The following PLXNB2 variants were observed in gnomAD, a reference collection of about 807,000 sequenced individuals.
PLXNB2 encodes the protein plexin B2, also known as plexin-B2.
A neutral mutation model predicts 202.6 loss-of-function variants in PLXNB2; 85 were observed. The ratio of observed to expected loss-of-function variants is 0.42; its 90% confidence interval spans 0.35 to 0.50. PLXNB2 has a LOEUF of 0.50. PLXNB2 is among the 20% of genes least tolerant of loss of function. The probability of loss-of-function intolerance (pLI) is 0.02; values close to 1 mark genes in which losing one functional copy is unlikely to be tolerated. For missense variants in PLXNB2, 2,063 were observed against 2,586.2 expected (o/e 0.80, Z 4.39); for synonymous variants, 1,239 against 1,137.6 (o/e 1.09, Z -1.79).
intron 33 of PLXNB2, among the ~76,000 whole-genome samples, 195 bp downstream of exon 33, chr22:50,277,396 G>C (rs1222744150): frequency 1.3e-5 from 2 of 152,118 alleles, no homozygotes; most frequent in Non-Finnish European, 2.9e-5. Context: ...GAGGAGAGAG[G>C]GCAAGGGCTC....
chr22:50,285,010 C>T, intron 11 of PLXNB2: 1 of 443,986 alleles, frequency 2.3e-6, no homozygotes, highest in Non-Finnish European at 4.5e-6. Flanking sequence ...CCTGCCTCCT[C>T]CACTGCCTCT....
chr22:50,287,714 C>G lies in PLXNB2; in HGVS notation c.1561G>C (p.Val521Leu). The G allele has an allele frequency of 6.4e-7, 1 of 1,565,410 alleles. No individual in the cohort carries two copies. Among genetic ancestry groups the G allele is most frequent in the South Asian group, 1.2e-5 (1 of 86,076 alleles). ...ATGTTCTGTGGCTGGGCGCTGGTGA[C>G]GGCCACGCAGGACTTGCTTCGGCTC... is the stretch of plus-strand genomic sequence containing the variant. Reference protein sequence around the residue: ...LWSRSKSCVAVTSAQPQNMSR... With the variant: ...LWSRSKSCVALTSAQPQNMSR... The change falls in exon 7 of 37, where the codon GTC becomes CTC. Residue 521 changes from valine to leucine, a missense_variant. Coordinates refer to ENST00000359337, the MANE Select transcript of PLXNB2 (RefSeq NM_012401.4).
chr22:50,303,837 T>C (rs932502704), intron 1 of PLXNB2, among the ~76,000 whole-genome samples: 11 of 152,234 alleles, frequency 7.2e-5, no homozygotes, highest in East Asian at 3.9e-4. Flanking sequence ...AGCACCTCCC[T>C]CTCCTGCCCC....
chr22:50,276,401 C>CACA (rs2065586635), intron 35 of PLXNB2, among the ~76,000 whole-genome samples: 1 of 8,900 alleles, frequency 1.1e-4, no homozygotes. Context: ...TGGGTGCAGC[C>CACA]GCAGGGAGGG....
At chr22:50,307,521 T>C in intron 1 of PLXNB2, 32 bp downstream of exon 1, 1 of 961,022 alleles carries the variant, frequency 1.0e-6, no homozygotes, top group Non-Finnish European at 1.2e-6. Context: ...CAGCGAGACG[T>C]CCCCCGCAGC....
chr22:50,283,562 G>C (rs1168260045), intron 15 of PLXNB2, 40 bp downstream of exon 15: 4 of 1,598,296 alleles, frequency 2.5e-6, no homozygotes, highest in Non-Finnish European at 3.4e-6. Flanking sequence ...CGTGGGTACT[G>C]ACCCAGCTGA....
chr22:50,277,873 G>A lies in PLXNB2; in HGVS notation c.5028C>T (p.Ile1676=), dbSNP rs144178635. The A allele has an allele frequency of 1.2e-4, 186 of 1,613,120 alleles. No homozygotes were observed. In the East Asian group the frequency reaches 4.1e-3, roughly 35 times the overall value. Reference sequence around the variant, plus strand: ...CTCACCTGTTCGTCTTCCAGATGTGGATGGTGTCTTCATCCTGGATGTTGT... The same window carrying A: ...CTCACCTGTTCGTCTTCCAGATGTGAATGGTGTCTTCATCCTGGATGTTGT... ...EKHNIQDEDT[I]HIWKTNSLPL... is the part of the protein sequence containing the mutation. Residue 1676 remains isoleucine (I), a synonymous_variant, in exon 32 of 37, where the codon ATC becomes ATT. Transcript: ENST00000359337.
rs2065459265 is a variant in PLXNB2, at chr22:50,275,184, C to T, written c.*520G>A. 12 of 321,034 alleles carry T rather than the reference C, an allele frequency of 3.7e-5. 2 individuals are homozygous for T. The highest frequency in any genetic ancestry group is 2.7e-4 in the South Asian group (11 of 41,310). 19.9% of individuals were successfully genotyped at this position (321,034 alleles called of 1,614,324 possible). Reference sequence around the variant, plus strand: ...GACCTTTGACGTGGGGCCCAGCAGCCGTGAGTCCACCCAGAGTGCCGGCAC... The same window carrying T: ...GACCTTTGACGTGGGGCCCAGCAGCTGTGAGTCCACCCAGAGTGCCGGCAC... On this transcript the variant is annotated 3_prime_UTR_variant, in exon 37 of 37. Transcript: ENST00000359337.
intron 35 of PLXNB2, 134 bp downstream of exon 35, chr22:50,276,481 TCACATGGCCGAGCC>T: frequency 1.5e-6 from 1 of 678,750 alleles, no homozygotes; most frequent in Admixed American, 2.3e-5. Flanking sequence ...GTGGCTCACT[TCACATGGCCGAGCC>T]CACCTCGAGG....
At chr22:50,277,090 T>TGAGGTCAGGGGTTC (rs1186821129) in intron 33 of PLXNB2, among the ~76,000 whole-genome samples, 184 bp from the exon 34 acceptor site, 1 of 152,134 alleles carries the variant, frequency 6.6e-6, no homozygotes, top group Non-Finnish European at 1.5e-5. Flanking sequence ...GCAGATCACC[T>TGAGGTCAGGGGTTC]GAGGTCAGGG....
In PLXNB2 at chr22:50,276,871, C is replaced by T. The variant is rs1474993045; in HGVS notation, c.5232G>A (p.Glu1744=). 1.3e-5 allele frequency: 21 copies of T among 1,606,242 alleles called. No homozygotes were observed. The highest frequency in any genetic ancestry group is 1.7e-5 in the Non-Finnish European group (20 of 1,176,142). The change falls in exon 34 of 37, where the codon GAG becomes GAA. Residue 1744 remains glutamate, a synonymous_variant. Coordinates refer to ENST00000359337, the MANE Select transcript of PLXNB2 (RefSeq NM_012401.4). ...SPSNKLLYAK[E]ISTYKKMVED... The stretch of plus-strand genomic sequence containing the variant: ...CCACCATCTTCTTGTAGGTGGAGAT[C>T]TCCTTGGCGTACAGCAGCTTGTTGC...
chr22:50,288,168 C>T lies in PLXNB2; in HGVS notation c.1381-131G>A, dbSNP rs2066607362. The stretch of plus-strand genomic sequence containing the variant: ...CCTCGGGAGCCTCAGACACCTCAGG[C>T]TTGATATTAAACAGTTCTGGCTCTG... On this transcript the variant is annotated intron_variant, in intron 5 of 36. Transcript: ENST00000359337. This position sits in a 1 kb window ranked among gnomAD's most constrained non-coding sequence, Gnocchi z 5.0. The T allele has an allele frequency of 1.5e-6, 1 of 665,880 alleles. No individual in the cohort carries two copies. The highest frequency in any genetic ancestry group is 1.8e-5 in the African/African-American group (1 of 54,846). 41.2% of individuals were successfully genotyped at this position (665,880 alleles called of 1,614,324 possible).
chr22:50,284,076 ACCG>A lies in PLXNB2; in HGVS notation c.2263+53_2263+55del, dbSNP rs2066233368. The A allele has an allele frequency of 1.6e-6, 1 of 638,134 alleles. No individual in the cohort carries two copies. Among genetic ancestry groups the A allele is most frequent in the South Asian group, 3.0e-5 (1 of 33,024 alleles). The allele number at this position is 638,134 out of a possible 1,614,324, so 39.5% of individuals were successfully genotyped here. ...ACTGCGCCCACCTGTCCCCCCACCC[ACCG>A]CCTTGTGCCCACCCGTCCCCTGCCC... On this transcript the variant is annotated intron_variant, in intron 13 of 36. Coordinates refer to ENST00000359337, the MANE Select transcript of PLXNB2 (RefSeq NM_012401.4). This position sits in a 1 kb window ranked among gnomAD's most constrained non-coding sequence, Gnocchi z 8.0.
chr22:50,279,918 G>A, intron 26 of PLXNB2, 87 bp downstream of exon 26: 8 of 1,391,134 alleles, frequency 5.8e-6, no homozygotes, highest in Non-Finnish European at 8.0e-6. Flanking sequence ...CCCACCTCAA[G>A]GTGCCGTACA....
intron 1 of PLXNB2, among the ~76,000 whole-genome samples, chr22:50,303,246 G>A (rs916903261): frequency 2.0e-5 from 3 of 152,180 alleles, no homozygotes; most frequent in African/African-American, 7.2e-5. Context: ...CACAGAGCAC[G>A]CTCCTACCAC....
At chr22:50,290,625 G>A (rs1453211439) in intron 2 of PLXNB2, 28 bp from the exon 3 acceptor site, 3 of 1,523,872 alleles carry the variant, frequency 2.0e-6, no homozygotes, top group Admixed American at 2.1e-5. Flanking sequence ...GGTCAGGGGA[G>A]CCCCGACCCA....
rs1049361778 is a variant in PLXNB2 at position 50,300,424 on chromosome 22, C to G, written c.-73-5646G>C. 289 of 615,756 alleles carry G rather than the reference C, an allele frequency of 4.7e-4. 3 individuals carry two copies. The highest frequency in any genetic ancestry group is 2.0e-4 in the Non-Finnish European group (99 of 492,184). The allele number at this position is 615,756 out of a possible 1,614,324, so 38.1% of individuals were successfully genotyped here. A position where few individuals can be genotyped will look rare whatever the true frequency, so the allele number is the denominator to read the frequency against. ...CAGGGCTCGGCCCCTCCCGGCCCAG[C>G]TGCCAATCATGCACGACCCTGCCCG... On this transcript the variant is annotated intron_variant, in intron 1 of 36. Transcript: ENST00000359337.
chr22:50,287,176 C>T lies in PLXNB2; in HGVS notation c.1697G>A (p.Arg566His), dbSNP rs762315379. Residue 566 changes from arginine to histidine, a missense_variant, in exon 8 of 37, where the codon CGC (arginine) becomes CAC (histidine). Physicochemically the swap from Arg to His is conservative, Grantham distance 29 (BLOSUM62 0). Coordinates refer to ENST00000359337, the MANE Select transcript of PLXNB2 (RefSeq NM_012401.4). The stretch of plus-strand genomic sequence containing the variant: ...GCAGATGACGGCCTCGCCCTCCACG[C>T]GGGCGGGGTGTGGCGGCGACTCCCC... ...LFGESPPHPA[R>H]VEGEAVICNS... is the part of the protein sequence containing the mutation. 9.7e-5 allele frequency: 150 copies of T among 1,547,576 alleles called. 1 individual carries two copies. Among genetic ancestry groups the T allele is most frequent in the African/African-American group, 3.3e-4 (24 of 72,908 alleles).
At chr22:50,281,524 C>G (rs751832581) in intron 21 of PLXNB2, 25 bp from the exon 22 acceptor site, 6 of 1,608,024 alleles carry the variant, frequency 3.7e-6, no homozygotes, top group Non-Finnish European at 5.1e-6. Context: ...GGGTTCAGCG[C>G]GGTCCCGTGG....
Sources: allele counts gnomAD v4.1 joint callset (sites outside exome capture counted in the v4.1 genomes callset), GRCh38; gene constraint gnomAD v4.1.1; non-coding constraint Gnocchi (gnomAD v3.1); transcripts MANE v1.5; gene names NCBI Gene and HGNC (gene_info 2026-07-23, HGNC 2026-07-21).